Variants in WDR7 observed in about 807,000 individuals in gnomAD.
WDR7 encodes WD repeat-containing protein 7.
In WDR7, 46 loss-of-function variants were observed where a neutral mutation model predicts 169.4. The ratio of observed to expected loss-of-function variants is 0.27; its 90% CI spans 0.21 to 0.35. WDR7 has a LOEUF of 0.35. Among genes scored for constraint, WDR7 ranks in the 10% least tolerant of loss-of-function variants. The probability of loss-of-function intolerance (pLI) is 1.00; values close to 1 mark genes in which losing one functional copy is unlikely to be tolerated. For missense variants in WDR7, 1,534 were observed against 1,859.3 expected, an observed-to-expected ratio of 0.83 and a Z score of 3.22; for synonymous variants, 612 against 666.8, an observed-to-expected ratio of 0.92 and a Z score of 1.27.
intron 3 of WDR7, among the ~76,000 whole-genome samples, chr18:56,681,054 AC>A (rs1208480417): frequency 6.6e-6 from 1 of 152,080 alleles, no homozygotes; most frequent in African/African-American, 2.4e-5. Context: ...GACTTCATTA[AC>A]CAAAACGGAA....
intron 21 of WDR7, among the ~76,000 whole-genome samples, chr18:56,921,688 G>A (rs997877796): frequency 6.6e-6 from 1 of 152,150 alleles, no homozygotes; most frequent in Non-Finnish European, 1.5e-5. Context: ...AAAGGAGAAC[G>A]CTTTTCTGTC....
At chr18:56,924,499 T>C (rs1284063350) in intron 22 of WDR7, among the ~76,000 whole-genome samples, 3 of 152,176 alleles carry the variant, frequency 2.0e-5, no homozygotes, top group African/African-American at 7.2e-5. Flanking sequence ...TCCACACTCA[T>C]ATTAGCTTTT....
chr18:56,789,006 A>G (rs2145106083), intron 19 of WDR7, among the ~76,000 whole-genome samples: 1 of 152,264 alleles, frequency 6.6e-6, no homozygotes, highest in Non-Finnish European at 1.5e-5. Context: ...TTGGGACCTG[A>G]GAGATTTGTT....
chr18:56,805,029 C>A (rs538257716), intron 19 of WDR7, among the ~76,000 whole-genome samples: 6 of 152,202 alleles, frequency 3.9e-5, no homozygotes, highest in Admixed American at 2.6e-4. Flanking sequence ...ATGGTTTCTG[C>A]CAACACTGAG....
chr18:56,843,857 C>CTTTTTTTTTTTTTTTTTTTTTTTTTTTT (rs776575088), intron 20 of WDR7, among the ~76,000 whole-genome samples: 1 of 134,330 alleles, frequency 7.4e-6, no homozygotes. Context: ...TTTTTTCTTT[C>CTTTTTTTTTTTTTTTTTTTTTTTTTTTT]TTTTTTTTTT....
At chr18:56,714,691 G>A (rs1008364720) in intron 12 of WDR7, among the ~76,000 whole-genome samples, 1 of 152,010 alleles carries the variant, frequency 6.6e-6, no homozygotes. Context: ...TGGTATTATA[G>A]GTGTGAGCCA....
At chr18:56,762,501 A>C (rs2043994159) in intron 16 of WDR7, among the ~76,000 whole-genome samples, 1 of 151,734 alleles carries the variant, frequency 6.6e-6, no homozygotes, top group African/African-American at 2.4e-5. Flanking sequence ...TTTGTTAAGT[A>C]GTACATATTT....
intron 25 of WDR7, among the ~76,000 whole-genome samples, chr18:56,950,521 A>G (rs2047166631): frequency 6.6e-6 from 1 of 152,210 alleles, no homozygotes; most frequent in African/African-American, 2.4e-5. Context: ...TCTGCAAACC[A>G]CAGTTTGAGA....
Position 56,672,767 on chromosome 18 carries a change from A to G in WDR7, c.159+93A>G, listed in dbSNP as rs900861357. On this transcript the variant is annotated intron_variant, in intron 2 of 27. Transcript: ENST00000254442. Reference sequence around the variant, plus strand: ...CCCCAAATGATGCTTTTGGGCCCACAGTAGATTTTCTGAAAAATGTGTTTT... The same window carrying G: ...CCCCAAATGATGCTTTTGGGCCCACGGTAGATTTTCTGAAAAATGTGTTTT... 12 of 1,242,574 alleles carry G rather than the reference A, an allele frequency of 9.7e-6. 1 individual carries two copies. Among genetic ancestry groups the G allele is most frequent in the South Asian group, 6.7e-5 (3 of 44,450 alleles). The allele number at this position is 1,242,574 out of a possible 1,614,324, so 77.0% of individuals were successfully genotyped here.
intron 26 of WDR7, among the ~76,000 whole-genome samples, chr18:56,971,491 G>A (rs1270152394): frequency 6.6e-6 from 1 of 152,108 alleles, no homozygotes; most frequent in Admixed American, 6.5e-5. Context: ...TACCCTCAGG[G>A]AACATAATTT....
At chr18:57,005,064 A>C (rs1359066605) in intron 26 of WDR7, among the ~76,000 whole-genome samples, 1 of 152,230 alleles carries the variant, frequency 6.6e-6, no homozygotes, top group African/African-American at 2.4e-5. Context: ...CTGAACAGTC[A>C]TAAATTAAAA....
At chr18:56,901,242 A>T (rs2046396744) in intron 21 of WDR7, among the ~76,000 whole-genome samples, 1 of 152,194 alleles carries the variant, frequency 6.6e-6, no homozygotes, top group Non-Finnish European at 1.5e-5. Flanking sequence ...GAAAATTTTT[A>T]AAAATAATAA....
intron 26 of WDR7, among the ~76,000 whole-genome samples, chr18:57,003,666 G>A (rs192566518): frequency 1.2e-4 from 18 of 152,128 alleles, no homozygotes; most frequent in Admixed American, 4.6e-4. Flanking sequence ...TGGATCACAC[G>A]AATCTTTCAG....
intron 20 of WDR7, among the ~76,000 whole-genome samples, chr18:56,859,200 G>T (rs753209508): frequency 9.9e-5 from 15 of 152,108 alleles, no homozygotes; most frequent in Non-Finnish European, 2.1e-4. Context: ...CTTGCTTATT[G>T]ATAAGTATTG....
intron 20 of WDR7, among the ~76,000 whole-genome samples, chr18:56,835,675 A>G (rs2045384004): frequency 6.6e-6 from 1 of 152,180 alleles, no homozygotes; most frequent in Non-Finnish European, 1.5e-5. Flanking sequence ...TTTGTGACAA[A>G]TATTTATTGG....
chr18:56,748,435 A>G (rs2043737515), intron 14 of WDR7, among the ~76,000 whole-genome samples: 2 of 152,144 alleles, frequency 1.3e-5, no homozygotes, highest in Non-Finnish European at 2.9e-5. Flanking sequence ...TTTGGATATT[A>G]TTATTCAGGC....
At chr18:56,851,635 A>G (rs2576418) in intron 20 of WDR7, among the ~76,000 whole-genome samples, 145,582 of 152,262 alleles carry the variant, frequency 0.96, 69,664 homozygotes, top group East Asian at 1. Flanking sequence ...CTAGACCAAG[A>G]TTTCTGAACT....
chr18:56,657,861 A>G (rs1245572708), intron 1 of WDR7, among the ~76,000 whole-genome samples: 1 of 152,132 alleles, frequency 6.6e-6, no homozygotes, highest in African/African-American at 2.4e-5. Context: ...ACATTCATGA[A>G]GTATTTACTA....
At chr18:56,938,776 T>G in intron 24 of WDR7, 94 bp downstream of exon 24, 7 of 1,423,982 alleles carry the variant, frequency 4.9e-6, no homozygotes, top group African/African-American at 1.4e-5. Context: ...CCAGCATCTC[T>G]AAAAGAGATG....
Sources: allele counts gnomAD v4.1 joint callset (sites outside exome capture counted in the v4.1 genomes callset), GRCh38; gene constraint gnomAD v4.1.1; transcripts MANE v1.5; gene names NCBI Gene and HGNC (gene_info 2026-07-23, HGNC 2026-07-21).